BMAL1: variants seen among roughly 807,000 people sequenced by gnomAD.
The protein encoded by BMAL1 is basic helix-loop-helix ARNT like 1, also known as basic helix-loop-helix ARNT-like protein 1.
chr11:13,384,960 G>A, the BMAL1 span, among the ~76,000 whole-genome samples: 2 of 152,152 alleles, frequency 1.3e-5, no homozygotes, highest in South Asian at 2.1e-4. Context: ...AGACCAAAAC[G>A]TTGCTGTGGA....
the BMAL1 span, among the ~76,000 whole-genome samples, chr11:13,289,801 G>C: frequency 1.6e-4 from 25 of 152,204 alleles, no homozygotes; most frequent in Admixed American, 1.6e-3. Flanking sequence ...ATTTGGGTTG[G>C]TTCCAAGTCT....
At chr11:13,348,783 A>T in the BMAL1 span, among the ~76,000 whole-genome samples, 2 of 152,234 alleles carry the variant, frequency 1.3e-5, no homozygotes, top group African/African-American at 2.4e-5. Context: ...TTCCTGAATC[A>T]GACTGCAATG....
At chr11:13,376,819 A>G in the BMAL1 span, 3 of 1,244,264 alleles carry the variant, frequency 2.4e-6, no homozygotes, top group Non-Finnish European at 3.3e-6. Context: ...GGTCCCCTCC[A>G]TTCATATTCT....
the BMAL1 span, among the ~76,000 whole-genome samples, chr11:13,314,456 T>C: frequency 6.6e-6 from 1 of 152,148 alleles, no homozygotes; most frequent in Non-Finnish European, 1.5e-5. Flanking sequence ...TTGTCAGCTT[T>C]GAGTGCAGGA....
chr11:13,359,215 G>T, the BMAL1 span, among the ~76,000 whole-genome samples: 297 of 152,306 alleles, frequency 2.0e-3, 2 homozygotes, highest in Non-Finnish European at 1.5e-3. Context: ...AACCACAAGA[G>T]AAATCTGAAA....
the BMAL1 span, among the ~76,000 whole-genome samples, chr11:13,288,174 A>G: frequency 6.6e-6 from 1 of 152,198 alleles, no homozygotes; most frequent in Admixed American, 6.5e-5. Flanking sequence ...CTAAAATGGA[A>G]GGTTCTTAAA....
chr11:13,352,071 G>C, the BMAL1 span, among the ~76,000 whole-genome samples: 1 of 152,102 alleles, frequency 6.6e-6, no homozygotes, highest in Non-Finnish European at 1.5e-5. Flanking sequence ...TGGTGGTCTC[G>C]AGGAGGTGGG....
chr11:13,290,875 T>C, the BMAL1 span, among the ~76,000 whole-genome samples: 2 of 152,176 alleles, frequency 1.3e-5, no homozygotes, highest in African/African-American at 4.8e-5. Flanking sequence ...TTCTTGTCTC[T>C]GGTTTTGAGG....
At chr11:13,384,942 G>C in the BMAL1 span, among the ~76,000 whole-genome samples, 11 of 152,056 alleles carry the variant, frequency 7.2e-5, no homozygotes, top group African/African-American at 2.2e-4. Context: ...GAGTGTAAAA[G>C]GGTCCCTAGA....
chr11:13,335,928 T>TA, the BMAL1 span, among the ~76,000 whole-genome samples: 8 of 152,368 alleles, frequency 5.3e-5, no homozygotes, highest in Admixed American at 1.3e-4. Flanking sequence ...TTATATTACT[T>TA]ACAGATTTCA....
chr11:13,363,157 T>C, the BMAL1 span, among the ~76,000 whole-genome samples: 2 of 113,742 alleles, frequency 1.8e-5, no homozygotes, highest in African/African-American at 3.1e-5. Flanking sequence ...TATATATATA[T>C]ATATATATAT....
chr11:13,306,982 TA>T, the BMAL1 span, among the ~76,000 whole-genome samples: 1 of 152,182 alleles, frequency 6.6e-6, no homozygotes, highest in Non-Finnish European at 1.5e-5. Context: ...TCTCTACATC[TA>T]GGTATCAGTT....
chr11:13,355,470 G>A, the BMAL1 span, among the ~76,000 whole-genome samples: 1 of 152,164 alleles, frequency 6.6e-6, no homozygotes, highest in Non-Finnish European at 1.5e-5. Flanking sequence ...GTGTTCTAAG[G>A]CCTCTGTCAT....
the BMAL1 span, among the ~76,000 whole-genome samples, chr11:13,368,058 T>C: frequency 6.6e-6 from 1 of 152,220 alleles, no homozygotes; most frequent in Non-Finnish European, 1.5e-5. Flanking sequence ...AAAAGTAAAA[T>C]GCAGACTTTG....
At chr11:13,358,620 T>C in the BMAL1 span, 1 of 1,533,222 alleles carries the variant, frequency 6.5e-7, no homozygotes, top group Non-Finnish European at 8.8e-7. Flanking sequence ...TTGTCCTTTA[T>C]GTCCTTGCCC....
chr11:13,299,974 T>C, the BMAL1 span, among the ~76,000 whole-genome samples: 1 of 152,180 alleles, frequency 6.6e-6, no homozygotes. Context: ...AGTTGTTCGC[T>C]CATCCAGAGA....
the BMAL1 span, chr11:13,358,690 G>A: frequency 7.9e-7 from 1 of 1,266,198 alleles, no homozygotes; most frequent in Non-Finnish European, 1.0e-6. Context: ...TTTATTACTT[G>A]CAATTATGTA....
the BMAL1 span, among the ~76,000 whole-genome samples, chr11:13,349,212 T>C: frequency 1.3e-5 from 2 of 152,244 alleles, no homozygotes; most frequent in Admixed American, 1.3e-4. Flanking sequence ...TCACTGATGT[T>C]TTCTTTAGAC....
chr11:13,316,467 C>A, the BMAL1 span, among the ~76,000 whole-genome samples: 1 of 152,198 alleles, frequency 6.6e-6, no homozygotes, highest in Non-Finnish European at 1.5e-5. Context: ...TACATATTTT[C>A]TCCCCCGCTG....
Sources: gnomAD v4.1 joint callset for allele counts (sites outside exome capture counted in the v4.1 genomes callset) on GRCh38, gnomAD v4.1.1 for gene constraint, MANE v1.5 for transcripts, NCBI Gene and HGNC (gene_info 2026-07-23, HGNC 2026-07-21) for gene names.